XAF1: variants seen among roughly 807,000 people sequenced by gnomAD.
XAF1 encodes XIAP associated factor 1.
Under a neutral mutation model 32.3 loss-of-function variants are expected in XAF1, and 32 were observed. The ratio of observed to expected loss-of-function variants is 0.99; its 90% CI spans 0.75 to 1.33. XAF1 has a LOEUF of 1.33. XAF1 is among the 40% of genes most tolerant of loss of function. XAF1 has a pLI of 0.00. For missense variants in XAF1, 379 were observed against 366.0 expected (o/e 1.04, Z -0.29); for synonymous variants, 120 against 125.9 (o/e 0.95, Z 0.31).
rs562311122 is a variant in XAF1 at position 6,774,477 on chromosome 17, C to G, written c.*1308C>G. ...AACTATAAAAACTCTGGAAGATAAC[C>G]TAGGCAATACCATTCTGGACATAGG... On this transcript the variant is annotated 3_prime_UTR_variant, in exon 7 of 7. Coordinates refer to ENST00000361842, the MANE Select transcript of XAF1 (RefSeq NM_017523.5). 5 of 152,228 alleles carry G rather than the reference C, an allele frequency of 3.3e-5. No homozygotes were observed. The South Asian group carries it at 1.0e-3, about 32-fold the overall frequency. 9.4% of individuals were successfully genotyped at this position (152,228 alleles called of 1,614,324 possible). A position where few individuals can be genotyped will look rare whatever the true frequency, so the allele number is the denominator to read the frequency against.
rs1011606061 is a variant in XAF1, at chr17:6,760,265, T to G, written c.226-141T>G. ...TGGGAGGCTGAGGCAGGAGAATTGC[T>G]TGAACCCGGGAGGCGGAGGTTGCAG... On this transcript the variant is annotated intron_variant, in intron 3 of 6. Coordinates refer to ENST00000361842, the MANE Select transcript of XAF1 (RefSeq NM_017523.5). 14 of 794,718 alleles carry G rather than the reference T, an allele frequency of 1.8e-5. No individual in the cohort carries two copies. The Admixed American group carries it at 3.5e-4, about 20-fold the overall frequency. The allele number at this position is 794,718 out of a possible 1,614,324, so 49.2% of individuals were successfully genotyped here. A position where few individuals can be genotyped will look rare whatever the true frequency, so the allele number is the denominator to read the frequency against.
chr17:6,756,800 G>A (rs1255095782), intron 1 of XAF1, among the ~76,000 whole-genome samples: 5 of 152,098 alleles, frequency 3.3e-5, no homozygotes, highest in African/African-American at 7.2e-5. Flanking sequence ...CTGTGTGCCC[G>A]CTGCCTGGGC....
rs564945213 is a variant in XAF1 at position 6,762,946 on chromosome 17, C to T, written c.507+706C>T. Among the ~76,000 whole-genome samples, 11 of 152,350 alleles carry T rather than the reference C, an allele frequency of 7.2e-5. No individual in the cohort carries two copies. The South Asian group carries it at 1.2e-3, about 17-fold the overall frequency. On this transcript the variant is annotated intron_variant, in intron 5 of 6. Coordinates refer to ENST00000361842, the MANE Select transcript of XAF1 (RefSeq NM_017523.5). ...ATCAAAACTAAAGAAACCATAGAGACGATCCAGCTTTTCGCTCTTTTCTTT... is the reference window on the plus strand; with the variant it reads ...ATCAAAACTAAAGAAACCATAGAGATGATCCAGCTTTTCGCTCTTTTCTTT...
At position 6,759,453 on chromosome 17, in the gene XAF1, T is replaced by C. The variant is rs533579280; in HGVS notation, c.169-209T>C. The C allele has an allele frequency of 8.4e-6, 12 of 1,420,824 alleles. No homozygotes were observed. In the East Asian group the frequency reaches 2.5e-4, roughly 30 times the overall value. 88.0% of individuals were successfully genotyped at this position (1,420,824 alleles called of 1,614,324 possible). A position where few individuals can be genotyped will look rare whatever the true frequency, so the allele number is the denominator to read the frequency against. On this transcript the variant is annotated intron_variant, in intron 2 of 6. Coordinates refer to ENST00000361842, the MANE Select transcript of XAF1 (RefSeq NM_017523.5). The stretch of plus-strand genomic sequence containing the variant: ...GGAGATACTCAAGCTCAGGCAGCCG[T>C]TGCCAACTCAGACTGGTCTGACAAA...
chr17:6,756,304 T>G, intron 1 of XAF1, 194 bp downstream of exon 1: 18 of 1,361,176 alleles, frequency 1.3e-5, no homozygotes, highest in East Asian at 2.8e-5. Flanking sequence ...TGGGCAGCAT[T>G]ACCTCCACTT....
chr17:6,756,391 A>C, intron 1 of XAF1: 1 of 850,926 alleles, frequency 1.2e-6, no homozygotes, highest in South Asian at 2.1e-5. Flanking sequence ...AGTGGTCCCA[A>C]CTGGGCTACT....
At chr17:6,767,738 T>C (rs1975720983) in intron 5 of XAF1, among the ~76,000 whole-genome samples, 3 of 151,246 alleles carry the variant, frequency 2.0e-5, no homozygotes, top group South Asian at 4.2e-4. Context: ...TCATTACTAC[T>C]GCTGCTGCTG....
chr17:6,767,736 A>ACTGCTACTGCTGCTG lies in XAF1; in HGVS notation c.508-2902_508-2901insACTGCTGCTGCTGCT, dbSNP rs71383424. ...GCATTTACCACTCTTGTTCATTACTACTGCTGCTGCTGCTGCTGCTGCTGC... is the reference window on the plus strand; with the variant it reads ...GCATTTACCACTCTTGTTCATTACTACTGCTACTGCTGCTGCTGCTGCTGCTGCTGCTGCTGCTGC... On this transcript the variant is annotated intron_variant, in intron 5 of 6. Transcript: ENST00000361842. Among the ~76,000 whole-genome samples, 1,416 of 151,464 alleles carry ACTGCTACTGCTGCTG rather than the reference A, an allele frequency of 9.3e-3. 30 individuals carry two copies. Among genetic ancestry groups the ACTGCTACTGCTGCTG allele is most frequent in the African/African-American group, 0.031 (1,261 of 41,254 alleles).
chr17:6,762,411 A>C (rs887514735), intron 5 of XAF1, among the ~76,000 whole-genome samples, 171 bp downstream of exon 5: 1 of 152,176 alleles, frequency 6.6e-6, no homozygotes, highest in Non-Finnish European at 1.5e-5. Context: ...TGCTTAGGCT[A>C]ATCAAGCACA....
chr17:6,765,845 T>G (rs189988049), intron 5 of XAF1, among the ~76,000 whole-genome samples: 1 of 152,330 alleles, frequency 6.6e-6, no homozygotes, highest in Admixed American at 6.5e-5. Flanking sequence ...ACAAGTCAGA[T>G]TGTTTGGCTC....
chr17:6,765,528 A>G (rs1975550281), intron 5 of XAF1, among the ~76,000 whole-genome samples: 1 of 152,202 alleles, frequency 6.6e-6, no homozygotes, highest in Non-Finnish European at 1.5e-5. Context: ...AGATTTGTAT[A>G]TTACTATTTA....
chr17:6,763,899 C>T (rs1438594253), intron 5 of XAF1, among the ~76,000 whole-genome samples: 2 of 152,188 alleles, frequency 1.3e-5, no homozygotes, highest in Non-Finnish European at 2.9e-5. Context: ...TTCCTTAGTA[C>T]TGATGTTTAT....
At chr17:6,761,828 G>T in intron 4 of XAF1, 1 of 1,356,320 alleles carries the variant, frequency 7.4e-7, no homozygotes, top group Non-Finnish European at 9.7e-7. Context: ...CAATGAAAGA[G>T]CACAGTCAGA....
At chr17:6,759,841 G>C in intron 3 of XAF1, 123 bp downstream of exon 3, 1 of 1,541,730 alleles carries the variant, frequency 6.5e-7, no homozygotes, top group Non-Finnish European at 8.8e-7. Flanking sequence ...ACCCCATTAG[G>C]CTTGGAGAGC....
At chr17:6,758,411 C>A in intron 2 of XAF1, 187 bp downstream of exon 2, 3 of 825,016 alleles carry the variant, frequency 3.6e-6, no homozygotes, top group Non-Finnish European at 3.6e-6. Flanking sequence ...AGAGTCAAGG[C>A]GAGTGTTCAG....
rs537877232 is a variant in XAF1, at chr17:6,758,794, A to C, written c.168+570A>C. 514 of 201,938 alleles carry C rather than the reference A, an allele frequency of 2.5e-3. 7 individuals carry two copies. Among genetic ancestry groups the C allele is most frequent in the African/African-American group, 0.015 (433 of 28,156 alleles). The allele number at this position is 201,938 out of a possible 1,614,324, so 12.5% of individuals were successfully genotyped here. A position where few individuals can be genotyped will look rare whatever the true frequency, so the allele number is the denominator to read the frequency against. The stretch of plus-strand genomic sequence containing the variant: ...GTGAGATGGGGTCTGGGAGTCAAGG[A>C]GAGTGTTCAGTCCTCCCTGCAGGTG... On this transcript the variant is annotated intron_variant, in intron 2 of 6. Coordinates refer to ENST00000361842, the MANE Select transcript of XAF1 (RefSeq NM_017523.5).
At chr17:6,766,020 G>A (rs1470366576) in intron 5 of XAF1, among the ~76,000 whole-genome samples, 1 of 152,066 alleles carries the variant, frequency 6.6e-6, no homozygotes, top group Admixed American at 6.6e-5. Context: ...TGTTTCTTGA[G>A]CATACCATGC....
chr17:6,758,269 T>C lies in XAF1; in HGVS notation c.168+45T>C, dbSNP rs761988458. 5 of 1,604,782 alleles carry C rather than the reference T, an allele frequency of 3.1e-6. No individual in the cohort carries two copies. In the South Asian group the frequency reaches 5.5e-5, roughly 18 times the overall value. ...GATGGGGTCTGAGAGTCAAGGTGAG[T>C]GTTCAGTCCTCCCTGCAGGTGAGAT... On this transcript the variant is annotated intron_variant, in intron 2 of 6. Transcript: ENST00000361842.
At chr17:6,759,436 T>G in intron 2 of XAF1, 8 of 1,418,482 alleles carry the variant, frequency 5.6e-6, no homozygotes, top group Non-Finnish European at 6.4e-6. Flanking sequence ...CTGGAGATAC[T>G]CAAGCTCAGG....
Sources: gnomAD v4.1 joint callset for allele counts (sites outside exome capture counted in the v4.1 genomes callset) on GRCh38, gnomAD v4.1.1 for gene constraint, MANE v1.5 for transcripts, NCBI Gene and HGNC (gene_info 2026-07-23, HGNC 2026-07-21) for gene names.